The following RANBP2 variants were observed in gnomAD, a reference collection of about 807,000 sequenced individuals.
RANBP2 encodes E3 SUMO-protein ligase RanBP2.
Under a neutral mutation model 303.6 loss-of-function variants are expected in RANBP2, and 57 were observed. That is an observed-to-expected ratio of 0.19 (90% confidence interval 0.15 to 0.23). RANBP2 has a LOEUF of 0.23. RANBP2 is among the 10% of genes least tolerant of loss of function. The pLI is 1.00. For synonymous variants in RANBP2, 1,167 were observed against 1,301.5 expected, an observed-to-expected ratio of 0.90 and a Z score of 2.23; for missense variants, 3,138 against 3,780.8, an observed-to-expected ratio of 0.83 and a Z score of 4.46.
intron 23 of RANBP2, 132 bp downstream of exon 23, chr2:108,773,178 C>A: frequency 1.1e-6 from 1 of 943,486 alleles, no homozygotes; most frequent in Non-Finnish European, 1.6e-6. Flanking sequence ...AGTGCAATGG[C>A]ATGCTCGTGG....
chr2:109,281,808 G>A, the RANBP2 span, among the ~76,000 whole-genome samples: 1 of 152,112 alleles, frequency 6.6e-6, no homozygotes, highest in African/African-American at 2.4e-5. Context: ...ACTGACTGTC[G>A]GGGGCACGCT....
chr2:108,962,143 T>A, the RANBP2 span, among the ~76,000 whole-genome samples: 3 of 152,168 alleles, frequency 2.0e-5, no homozygotes, highest in Non-Finnish European at 4.4e-5. Context: ...TGGCGCCCTG[T>A]CTAGGCAGCC....
At chr2:108,748,845 A>G in intron 8 of RANBP2, 75 bp from the exon 9 acceptor site, 1 of 1,611,344 alleles carries the variant, frequency 6.2e-7, no homozygotes. Context: ...CCCTTTGGGT[A>G]TACAAATGAG....
chr2:109,158,938 A>G, the RANBP2 span, among the ~76,000 whole-genome samples: 1 of 152,184 alleles, frequency 6.6e-6, no homozygotes. Flanking sequence ...AAACATGGTG[A>G]AACCCTGTTT....
Position 108,740,573 on chromosome 2 carries a change from C to T in RANBP2, c.867C>T (p.Phe289=), listed in dbSNP as rs1461610610. The change falls in exon 7 of 29, where the codon TTC becomes TTT. Residue 289 remains phenylalanine (F), a synonymous_variant. Coordinates refer to ENST00000283195, the MANE Select transcript of RANBP2 (RefSeq NM_006267.5). The part of the protein sequence containing the change: ...SATFLEMKGH[F]YMHAGSLLLK... ...CTTTCTTAGAAATGAAAGGACATTT[C>T]TACATGCATGCTGGTTCTCTGCTTT... 1.9e-6 allele frequency: 3 copies of T among 1,597,376 alleles called. No homozygotes were observed. The Admixed American group carries it at 5.0e-5, about 27-fold the overall frequency.
chr2:109,764,261 G>A, the RANBP2 span, among the ~76,000 whole-genome samples: 3 of 148,384 alleles, frequency 2.0e-5, no homozygotes, highest in Non-Finnish European at 4.4e-5. Context: ...TGAAGAGTTG[G>A]GCATTCCGTG....
At chr2:109,152,414 C>T in the RANBP2 span, among the ~76,000 whole-genome samples, 1 of 152,198 alleles carries the variant, frequency 6.6e-6, no homozygotes, top group Admixed American at 6.5e-5. Flanking sequence ...ATAAATAATT[C>T]TGGGCTCCGA....
intron 7 of RANBP2, among the ~76,000 whole-genome samples, chr2:108,744,830 A>C (rs1019525609): frequency 6.6e-6 from 1 of 152,252 alleles, no homozygotes; most frequent in African/African-American, 2.4e-5. Flanking sequence ...CTCCACCTCC[A>C]AAGAAACTAA....
At chr2:109,715,605 A>G in the RANBP2 span, among the ~76,000 whole-genome samples, 1 of 152,132 alleles carries the variant, frequency 6.6e-6, no homozygotes, top group Admixed American at 6.6e-5. Flanking sequence ...GCAACTCAGA[A>G]GCTCTCTGAA....
chr2:109,207,265 G>A, the RANBP2 span, among the ~76,000 whole-genome samples: 5 of 152,204 alleles, frequency 3.3e-5, no homozygotes, highest in East Asian at 7.7e-4. Context: ...TAATTTTGGT[G>A]TATGGTAATC....
chr2:108,827,659 AC>A, the RANBP2 span, among the ~76,000 whole-genome samples: 1 of 152,094 alleles, frequency 6.6e-6, no homozygotes, highest in African/African-American at 2.4e-5. Context: ...TACTAAAAAT[AC>A]AAAAAATTAG....
the RANBP2 span, among the ~76,000 whole-genome samples, chr2:108,871,370 TA>T: frequency 0.57 from 44,091 of 77,064 alleles, 10,990 homozygotes; most frequent in East Asian, 0.71. Flanking sequence ...CCAACTCTAT[TA>T]AAAAAAAAAA....
At chr2:109,244,426 G>A in the RANBP2 span, among the ~76,000 whole-genome samples, 1 of 152,168 alleles carries the variant, frequency 6.6e-6, no homozygotes, top group African/African-American at 2.4e-5. Flanking sequence ...AAAACCATCA[G>A]TACTGATTTT....
chr2:109,484,386 C>T, the RANBP2 span, among the ~76,000 whole-genome samples: 1 of 152,118 alleles, frequency 6.6e-6, no homozygotes, highest in African/African-American at 2.4e-5. Context: ...CCTTTCTTAC[C>T]TCACCAGGCA....
the RANBP2 span, among the ~76,000 whole-genome samples, chr2:109,389,043 G>A: frequency 6.6e-6 from 1 of 152,198 alleles, no homozygotes; most frequent in Admixed American, 6.5e-5. Context: ...ATCACATGCA[G>A]CATCATAGGC....
At chr2:109,320,471 A>G in the RANBP2 span, among the ~76,000 whole-genome samples, 11 of 152,062 alleles carry the variant, frequency 7.2e-5, no homozygotes, top group Admixed American at 7.2e-4. Flanking sequence ...CTTCCTCCTC[A>G]CGTCTTCTTA....
At chr2:109,408,032 T>C in the RANBP2 span, among the ~76,000 whole-genome samples, 1 of 152,132 alleles carries the variant, frequency 6.6e-6, no homozygotes, top group African/African-American at 2.4e-5. Flanking sequence ...TCAGGAAAGA[T>C]CCTTGGGTCT....
the RANBP2 span, among the ~76,000 whole-genome samples, chr2:108,924,800 G>A: frequency 1.3e-5 from 2 of 152,334 alleles, no homozygotes; most frequent in East Asian, 1.9e-4. Context: ...TAAGCCTCTC[G>A]CAAATCTACC....
chr2:109,240,664 C>G, the RANBP2 span, among the ~76,000 whole-genome samples: 2 of 152,136 alleles, frequency 1.3e-5, no homozygotes, highest in Non-Finnish European at 2.9e-5. Flanking sequence ...TTATTTCACA[C>G]GAACCAGAGA....
Sources: allele counts gnomAD v4.1 joint callset (sites outside exome capture counted in the v4.1 genomes callset), GRCh38; gene constraint gnomAD v4.1.1; transcripts MANE v1.5; gene names NCBI Gene and HGNC (gene_info 2026-07-23, HGNC 2026-07-21).